The following MYO3B variants were observed in gnomAD, a reference collection of about 807,000 sequenced individuals.
MYO3B encodes the protein myosin-IIIb.
A neutral mutation model predicts 174.6 loss-of-function variants in MYO3B; 156 were observed. That is an observed-to-expected ratio of 0.89 (90% CI 0.78 to 1.02). The LOEUF (loss-of-function observed/expected upper bound fraction) is 1.02. Ranked by LOEUF, MYO3B falls within the 50% of genes least tolerant of loss-of-function variation. The pLI, the probability that MYO3B is intolerant of heterozygous loss-of-function variation, is 0.00. For missense variants in MYO3B, 1,632 were observed against 1,639.4 expected (o/e 1.00, Z 0.08); for synonymous variants, 563 against 569.1 (o/e 0.99, Z 0.15).
intron 25 of MYO3B, among the ~76,000 whole-genome samples, chr2:170,478,488 C>T (rs1035196180): frequency 6.8e-6 from 1 of 147,536 alleles, no homozygotes; most frequent in South Asian, 2.2e-4. Flanking sequence ...TTTCTAATTC[C>T]GTGGCCATGG....
intron 29 of MYO3B, among the ~76,000 whole-genome samples, chr2:170,518,088 A>G (rs982279381): frequency 6.6e-6 from 1 of 152,142 alleles, no homozygotes. Flanking sequence ...AACAACAACA[A>G]CAAATCTTTC....
At chr2:170,605,311 G>T (rs1407845843) in intron 32 of MYO3B, among the ~76,000 whole-genome samples, 1 of 152,164 alleles carries the variant, frequency 6.6e-6, no homozygotes, top group Non-Finnish European at 1.5e-5. Context: ...AGGCATCAGA[G>T]AACCTTTTTT....
In MYO3B at chr2:170,543,938, C is replaced by G; in HGVS notation, c.3683C>G (p.Pro1228Arg). The change falls in exon 32 of 35, where the codon CCT (proline) becomes CGT (arginine). Residue 1228 changes from proline to arginine, a missense_variant. By Grantham distance (103) the Pro-to-Arg change is moderately radical (BLOSUM62 -2). Transcript: ENST00000408978. ...TDLLSSRICH[P>R]APDQQGLSLW... The stretch of plus-strand genomic sequence containing the variant: ...TTGCTGTCTTCTCGGATATGCCATC[C>G]TGCTCCAGATCAGCAAGGATTGAGT... 1 of 1,613,374 alleles carries G rather than the reference C, an allele frequency of 6.2e-7. No individual in the cohort carries two copies.
chr2:170,646,582 G>C (rs982072272), intron 32 of MYO3B, among the ~76,000 whole-genome samples: 13 of 152,158 alleles, frequency 8.5e-5, no homozygotes, highest in Admixed American at 3.3e-4. Flanking sequence ...TTTTTGTAGA[G>C]ATGGCACTTC....
At chr2:170,556,144 C>G (rs964700510) in intron 32 of MYO3B, among the ~76,000 whole-genome samples, 1 of 151,246 alleles carries the variant, frequency 6.6e-6, no homozygotes, top group African/African-American at 2.4e-5. Context: ...TGCAGTGAGC[C>G]GAGATCACGC....
intron 9 of MYO3B, among the ~76,000 whole-genome samples, chr2:170,370,065 A>G (rs1461649283): frequency 6.6e-6 from 1 of 152,146 alleles, no homozygotes; most frequent in Non-Finnish European, 1.5e-5. Flanking sequence ...AATCTCTAAG[A>G]AATAGATCTT....
chr2:170,346,521 T>C (rs1407192903), intron 8 of MYO3B: 1 of 152,160 alleles, frequency 6.6e-6, no homozygotes, highest in African/African-American at 2.4e-5. Context: ...CAAGTATTAA[T>C]ATGAAACCAT....
At position 170,641,227 on chromosome 2, in the gene MYO3B, C is replaced by A. The variant is rs550693070; in HGVS notation, c.3734-10401C>A. The A allele has an allele frequency of 2.0e-5, 3 of 152,182 alleles. No individual in the cohort carries two copies. In the East Asian group the frequency reaches 5.8e-4, roughly 29 times the overall value. 9.4% of individuals were successfully genotyped at this position (152,182 alleles called of 1,614,324 possible). A position where few individuals can be genotyped will look rare whatever the true frequency, so the allele number is the denominator to read the frequency against. ...GGAACATTCAGCCTTTTCAAATAATCAATGGCATGCAAATAGAAACACAAA... is the reference window on the plus strand; with the variant it reads ...GGAACATTCAGCCTTTTCAAATAATAAATGGCATGCAAATAGAAACACAAA... On this transcript the variant is annotated intron_variant, in intron 32 of 34. Coordinates refer to ENST00000408978, the MANE Select transcript of MYO3B (RefSeq NM_138995.5).
At chr2:170,234,170 C>CAAA (rs71006078) in intron 6 of MYO3B, among the ~76,000 whole-genome samples, 4 of 48,572 alleles carry the variant, frequency 8.2e-5, no homozygotes, top group Non-Finnish European at 1.0e-4. Context: ...GACTCCGTCT[C>CAAA]AAAAAAAAAA....
chr2:170,649,820 C>T (rs1426487494), intron 32 of MYO3B: 1 of 90,742 alleles, frequency 1.1e-5, no homozygotes, highest in Non-Finnish European at 2.1e-5. Context: ...GTGAGACTAT[C>T]TCAAAAAAAA....
At chr2:170,281,250 A>T (rs2093507380) in intron 7 of MYO3B, among the ~76,000 whole-genome samples, 1 of 152,054 alleles carries the variant, frequency 6.6e-6, no homozygotes, top group South Asian at 2.1e-4. Context: ...TGTGAATGGG[A>T]TTGTTTTTCT....
At chr2:170,452,421 A>C (rs1354424700) in intron 23 of MYO3B, among the ~76,000 whole-genome samples, 1 of 152,200 alleles carries the variant, frequency 6.6e-6, no homozygotes, top group Non-Finnish European at 1.5e-5. Flanking sequence ...AATGGAGAAA[A>C]ATAATTCCGT....
At chr2:170,247,814 C>T (rs2105323690) in intron 7 of MYO3B, among the ~76,000 whole-genome samples, 1 of 152,348 alleles carries the variant, frequency 6.6e-6, no homozygotes, top group South Asian at 2.1e-4. Flanking sequence ...ACCCAATTTT[C>T]TCCAGAGACC....
At chr2:170,486,459 C>A (rs945802968) in intron 25 of MYO3B, among the ~76,000 whole-genome samples, 1 of 152,132 alleles carries the variant, frequency 6.6e-6, no homozygotes, top group Non-Finnish European at 1.5e-5. Context: ...CATACACCAC[C>A]ACGCCTGACT....
intron 9 of MYO3B, among the ~76,000 whole-genome samples, chr2:170,373,984 G>A (rs1007418268): frequency 5.3e-5 from 8 of 152,112 alleles, no homozygotes; most frequent in African/African-American, 1.7e-4. Context: ...GAAAACCCAG[G>A]TAGAATGCAA....
At chr2:170,296,048 T>G (rs915216320) in intron 7 of MYO3B, among the ~76,000 whole-genome samples, 1 of 152,144 alleles carries the variant, frequency 6.6e-6, no homozygotes, top group Non-Finnish European at 1.5e-5. Context: ...GCCTACTAAT[T>G]TGAGAGTTAC....
At chr2:170,419,523 G>A (rs1351320289) in intron 22 of MYO3B, among the ~76,000 whole-genome samples, 3 of 152,138 alleles carry the variant, frequency 2.0e-5, no homozygotes, top group Non-Finnish European at 4.4e-5. Context: ...GAAGTAGTGG[G>A]GGTTATTAGG....
rs71399532 is a variant in MYO3B at position 170,399,242 on chromosome 2, C to CAAAAAAAAAAAAA, written c.1792-934_1792-922dup. Among the ~76,000 whole-genome samples, 30 of 15,610 alleles carry CAAAAAAAAAAAAA rather than the reference C, an allele frequency of 1.9e-3. 2 individuals are homozygous for CAAAAAAAAAAAAA. The highest frequency in any genetic ancestry group is 3.4e-3 in the Non-Finnish European group (25 of 7,462). The allele number at this position is 15,610 out of a possible 152,430, so 10.2% of individuals were successfully genotyped here. ...GGGCAACAAGAGCGAAATTCCGTCT[C>CAAAAAAAAAAAAA]AAAAAAAAAAAAAAAAAAAAAAAAG... On this transcript the variant is annotated intron_variant, in intron 16 of 34. Coordinates refer to ENST00000408978, the MANE Select transcript of MYO3B (RefSeq NM_138995.5).
intron 7 of MYO3B, among the ~76,000 whole-genome samples, chr2:170,247,668 C>A (rs2093206450): frequency 6.6e-6 from 1 of 152,174 alleles, no homozygotes; most frequent in African/African-American, 2.4e-5. Context: ...GATTTGGTGT[C>A]TGATGAGGGC....
Sources: gnomAD v4.1 joint callset for allele counts (sites outside exome capture counted in the v4.1 genomes callset) on GRCh38, gnomAD v4.1.1 for gene constraint, MANE v1.5 for transcripts, NCBI Gene and HGNC (gene_info 2026-07-23, HGNC 2026-07-21) for gene names.